MIA2: variants seen among roughly 807,000 people sequenced by gnomAD.
MIA2 encodes MIA SH3 domain ER export factor 2, also known as melanoma inhibitory activity protein 2.
A neutral mutation model predicts 167.8 loss-of-function variants in MIA2; 127 were observed. The ratio of observed to expected loss-of-function variants is 0.76; its 90% confidence interval spans 0.66 to 0.88. MIA2 has a LOEUF of 0.88. Ranked by LOEUF, MIA2 falls within the 40% of genes least tolerant of loss-of-function variation. MIA2 has a pLI of 0.00. For missense variants in MIA2, 1,690 were observed against 1,624.7 expected, an observed-to-expected ratio of 1.04 and a Z score of -0.69; for synonymous variants, 552 against 541.9, an observed-to-expected ratio of 1.02 and a Z score of -0.26.
intron 13 of MIA2, among the ~76,000 whole-genome samples, chr14:39,299,194 A>G (rs1019600672): frequency 2.0e-5 from 3 of 149,490 alleles, no homozygotes; most frequent in African/African-American, 4.9e-5. Context: ...TCTACCTTTT[A>G]TAATGATCTT....
intron 3 of MIA2, among the ~76,000 whole-genome samples, chr14:39,241,225 G>A (rs2152612578): frequency 6.6e-6 from 1 of 152,306 alleles, no homozygotes; most frequent in South Asian, 2.1e-4. Flanking sequence ...AGGGAATCAG[G>A]AGGTGGCTTT....
chr14:39,374,069 T>C (rs368726889), intron 23 of MIA2, among the ~76,000 whole-genome samples: 51 of 149,828 alleles, frequency 3.4e-4, no homozygotes, highest in African/African-American at 1.2e-3. Flanking sequence ...TGTTAACAGA[T>C]AAATAAATGG....
In MIA2 at chr14:39,346,031, G is replaced by A; in HGVS notation, c.3778+5G>A. ...TGCCTTCTTTGGATAAAATGGGTAA[G>A]AAGTACTTTGTGCTTTTCTTCTTTA... On this transcript the variant is annotated splice_donor_5th_base_variant and intron_variant, in intron 26 of 28. Transcript: ENST00000640607. The A allele has an allele frequency of 3.7e-6, 6 of 1,609,892 alleles. No homozygotes were observed. Among genetic ancestry groups the A allele is most frequent in the Non-Finnish European group, 5.1e-6 (6 of 1,177,632 alleles).
chr14:39,321,909 T>TG (rs2066517844), intron 24 of MIA2, among the ~76,000 whole-genome samples: 1 of 151,846 alleles, frequency 6.6e-6, no homozygotes, highest in South Asian at 2.1e-4. Context: ...TACAGGCACA[T>TG]GCCACCACAC....
chr14:39,374,705 GA>G (rs1343755501), intron 23 of MIA2, among the ~76,000 whole-genome samples: 97 of 152,352 alleles, frequency 6.4e-4, no homozygotes, highest in African/African-American at 2.1e-3. Flanking sequence ...TGTTCACATG[GA>G]AATTAGGCAG....
chr14:39,269,025 A>G, intron 6 of MIA2: 5 of 978,706 alleles, frequency 5.1e-6, no homozygotes, highest in Non-Finnish European at 6.0e-6. Context: ...AAATGCAGCC[A>G]GATTTTGCAG....
chr14:39,330,629 C>T (rs2068645597), intron 25 of MIA2, among the ~76,000 whole-genome samples: 1 of 152,116 alleles, frequency 6.6e-6, no homozygotes, highest in African/African-American at 2.4e-5. Flanking sequence ...CTAAACACTG[C>T]TTTAGCTGTG....
In MIA2 at chr14:39,288,459, A is replaced by ATTTTTTTTTTT. The variant is rs1566747774; in HGVS notation, c.2131-2559_2131-2558insTTTTTTTTTTT. 4.6e-4 allele frequency among the ~76,000 whole-genome samples: 8 copies of ATTTTTTTTTTT among 17,282 alleles called. 1 individual carries two copies. Among genetic ancestry groups the ATTTTTTTTTTT allele is most frequent in the African/African-American group, 1.1e-3 (8 of 7,140 alleles). 11.3% of individuals were successfully genotyped at this position (17,282 alleles called of 152,430 possible). A position where few individuals can be genotyped will look rare whatever the true frequency, so the allele number is the denominator to read the frequency against. On this transcript the variant is annotated intron_variant, in intron 9 of 28. Transcript: ENST00000640607. ...TATATATATATATATATATATATAT[A>ATTTTTTTTTTT]TATATATATATATATATTTTTTTTT...
intron 23 of MIA2, among the ~76,000 whole-genome samples, chr14:39,365,577 G>T: frequency 6.6e-6 from 1 of 151,918 alleles, no homozygotes. Context: ...GTCTGTTGTT[G>T]AAGCTTTCAG....
intron 4 of MIA2, 57 bp from the exon 5 acceptor site, chr14:39,252,691 G>C: frequency 2.2e-6 from 3 of 1,334,016 alleles, no homozygotes; most frequent in Non-Finnish European, 3.1e-6. Flanking sequence ...AACAAAAGGG[G>C]AGCCCTCAAC....
At chr14:39,302,082 G>T in intron 14 of MIA2, 47 bp from the exon 15 acceptor site, 1 of 1,585,988 alleles carries the variant, frequency 6.3e-7, no homozygotes. Context: ...AAAGCTGTTA[G>T]CATAAGGCAT....
chr14:39,334,199 G>T (rs1407100158), intron 25 of MIA2, among the ~76,000 whole-genome samples: 2 of 152,216 alleles, frequency 1.3e-5, no homozygotes, highest in Non-Finnish European at 1.5e-5. Context: ...AACAGGCCGG[G>T]TGTGGTGGCT....
intron 17 of MIA2, among the ~76,000 whole-genome samples, chr14:39,307,582 A>G (rs1282070101): frequency 6.6e-6 from 1 of 151,772 alleles, no homozygotes; most frequent in Non-Finnish European, 1.5e-5. Context: ...TTGTATTTTA[A>G]GTAGAGATGG....
intron 25 of MIA2, among the ~76,000 whole-genome samples, chr14:39,344,771 G>T (rs1390215117): frequency 6.6e-6 from 1 of 152,124 alleles, no homozygotes; most frequent in Non-Finnish European, 1.5e-5. Flanking sequence ...TTTTGGAGTT[G>T]GACATATGCA....
intron 18 of MIA2, among the ~76,000 whole-genome samples, chr14:39,312,781 C>T (rs1294089085): frequency 6.6e-6 from 1 of 151,962 alleles, no homozygotes; most frequent in Non-Finnish European, 1.5e-5. Context: ...GTTTTTGGCA[C>T]ATACTAATGG....
At chr14:39,288,025 TTG>T (rs1223210898) in intron 9 of MIA2, among the ~76,000 whole-genome samples, 3 of 152,094 alleles carry the variant, frequency 2.0e-5, no homozygotes, top group Non-Finnish European at 4.4e-5. Context: ...TTGTCTATCT[TTG>T]GTAGAGATGT....
intron 2 of MIA2, among the ~76,000 whole-genome samples, chr14:39,238,793 C>CAAAAAAAAAAAAAAA (rs769534317): frequency 0.011 from 347 of 30,664 alleles, 19 homozygotes; most frequent in Middle Eastern, 0.036. Context: ...GACCCTGTCT[C>CAAAAAAAAAAAAAAA]AAAAAAAAAA....
At position 39,267,196 on chromosome 14, in the gene MIA2, C is replaced by A. The variant is rs530715774; in HGVS notation, c.1888-9738C>A. On this transcript the variant is annotated intron_variant, in intron 6 of 28. Transcript: ENST00000640607. ...GTGGGGTGGCGAGGACAGGGTACGTCGCAGGCTTGTGCGGGTCGGGCTCGG... is the reference window on the plus strand; with the variant it reads ...GTGGGGTGGCGAGGACAGGGTACGTAGCAGGCTTGTGCGGGTCGGGCTCGG... 1.5e-5 allele frequency: 20 copies of A among 1,301,722 alleles called. No individual in the cohort carries two copies. The African/African-American group carries it at 2.9e-4, about 19-fold the overall frequency. 80.6% of individuals were successfully genotyped at this position (1,301,722 alleles called of 1,614,324 possible).
intron 3 of MIA2, among the ~76,000 whole-genome samples, chr14:39,245,801 C>A (rs1345589350): frequency 6.6e-6 from 1 of 152,098 alleles, no homozygotes; most frequent in African/African-American, 2.4e-5. Flanking sequence ...GCATTAATCC[C>A]ACCCATTCTG....
Sources: allele counts gnomAD v4.1 joint callset (sites outside exome capture counted in the v4.1 genomes callset), GRCh38; gene constraint gnomAD v4.1.1; transcripts MANE v1.5; gene names NCBI Gene and HGNC (gene_info 2026-07-23, HGNC 2026-07-21).